Variants in CMTM8 observed in about 807,000 individuals in gnomAD.
CMTM8 encodes CKLF-like MARVEL transmembrane domain-containing protein 8.
CMTM8 carries 12 observed loss-of-function variants against 18.6 expected under a neutral mutation model. That is an observed-to-expected ratio of 0.65 (90% CI 0.41 to 1.05). The LOEUF (loss-of-function observed/expected upper bound fraction) is 1.05, where lower values mean the gene tolerates loss of function less well. Ranked by LOEUF, CMTM8 falls within the 50% of genes least tolerant of loss-of-function variation. The pLI, the probability that CMTM8 is intolerant of heterozygous loss-of-function variation, is 0.00. For synonymous variants in CMTM8, 87 were observed against 90.6 expected (o/e 0.96, Z 0.23); for missense variants, 217 against 227.2 (o/e 0.95, Z 0.29).
At position 32,285,527 on chromosome 3, in the gene CMTM8, T is replaced by A. The variant is rs199520413; in HGVS notation, c.147+46408T>A. Among the ~76,000 whole-genome samples, 22 of 41,132 alleles carry A rather than the reference T, an allele frequency of 5.3e-4. 1 individual carries two copies. Among genetic ancestry groups the A allele is most frequent in the East Asian group, 1.2e-3 (2 of 1,672 alleles). 27.0% of individuals were successfully genotyped at this position (41,132 alleles called of 152,430 possible). On this transcript the variant is annotated intron_variant, in intron 1 of 3. Coordinates refer to ENST00000307526, the MANE Select transcript of CMTM8 (RefSeq NM_178868.5). ...GATTCTATCTCAAAAAAAAAAAAAA[T>A]TAAATTAATAATAATACTAGTAGTA...
chr3:32,332,053 C>G (rs769069744), intron 1 of CMTM8, among the ~76,000 whole-genome samples: 5 of 151,834 alleles, frequency 3.3e-5, no homozygotes, highest in Non-Finnish European at 7.4e-5. Context: ...CACACACACA[C>G]ACAAGTAAGT....
At chr3:32,325,914 A>T (rs1696142011) in intron 1 of CMTM8, among the ~76,000 whole-genome samples, 1 of 152,182 alleles carries the variant, frequency 6.6e-6, no homozygotes, top group African/African-American at 2.4e-5. Context: ...CACCAAGGGG[A>T]GGGATATTCC....
intron 1 of CMTM8, among the ~76,000 whole-genome samples, chr3:32,252,054 C>G (rs1370111374): frequency 3.9e-5 from 6 of 152,066 alleles, no homozygotes; most frequent in Non-Finnish European, 1.5e-5. Context: ...CGTGCTGTCA[C>G]TGCACTCCAG....
At chr3:32,267,278 G>A (rs1702363786) in intron 1 of CMTM8, among the ~76,000 whole-genome samples, 1 of 152,062 alleles carries the variant, frequency 6.6e-6, no homozygotes, top group African/African-American at 2.4e-5. Context: ...ACAGAACAGA[G>A]CCCTCAGAAA....
chr3:32,319,074 A>ATATATATATATATATATTTTT lies in CMTM8; in HGVS notation c.148-38298_148-38297insATATATATATATATATTTTTT. On this transcript the variant is annotated intron_variant, in intron 1 of 3. Transcript: ENST00000307526. ...TGTATATACATATATATATATATAT[A>ATATATATATATATATATTTTT]TTTTTTTTTTTTTTTTTTTTTGAGA... Among the ~76,000 whole-genome samples, 24 of 31,524 alleles carry ATATATATATATATATATTTTT rather than the reference A, an allele frequency of 7.6e-4. 1 individual carries two copies. Among genetic ancestry groups the ATATATATATATATATATTTTT allele is most frequent in the East Asian group, 3.1e-3 (2 of 642 alleles). 20.7% of individuals were successfully genotyped at this position (31,524 alleles called of 152,430 possible).
chr3:32,300,889 G>A (rs1461286545), intron 1 of CMTM8, among the ~76,000 whole-genome samples: 1 of 151,804 alleles, frequency 6.6e-6, no homozygotes, highest in Non-Finnish European at 1.5e-5. Context: ...GAACCTGGGA[G>A]GCGGAGGTTG....
At chr3:32,327,895 G>A (rs566258522) in intron 1 of CMTM8, among the ~76,000 whole-genome samples, 2 of 152,284 alleles carry the variant, frequency 1.3e-5, no homozygotes, top group East Asian at 1.9e-4. Flanking sequence ...TGCTATAAGG[G>A]TATGTGATTT....
chr3:32,312,537 T>C (rs1695840080), intron 1 of CMTM8, among the ~76,000 whole-genome samples: 1 of 152,130 alleles, frequency 6.6e-6, no homozygotes, highest in African/African-American at 2.4e-5. Flanking sequence ...TGTGTCCCCA[T>C]GGAGTTGGGG....
intron 1 of CMTM8, among the ~76,000 whole-genome samples, chr3:32,251,372 G>A (rs1490283404): frequency 6.6e-6 from 1 of 151,994 alleles, no homozygotes; most frequent in African/African-American, 2.4e-5. Flanking sequence ...GGAGTGCAGT[G>A]GTGTGATCAT....
chr3:32,357,613 G>C lies in CMTM8; in HGVS notation c.321+67G>C. ...GGTAGATGGCATTAGTCCTCTACTA[G>C]TCAATCCAAGACTGTCTCTCTGCCC... On this transcript the variant is annotated intron_variant, in intron 2 of 3. Transcript: ENST00000307526. 2.0e-6 allele frequency: 3 copies of C among 1,481,168 alleles called. 1 individual carries two copies. The South Asian group carries it at 3.6e-5, about 18-fold the overall frequency. The allele number at this position is 1,481,168 out of a possible 1,614,324, so 91.8% of individuals were successfully genotyped here. A position where few individuals can be genotyped will look rare whatever the true frequency, so the allele number is the denominator to read the frequency against.
At chr3:32,360,294 A>G (rs1696898217) in intron 2 of CMTM8, among the ~76,000 whole-genome samples, 1 of 152,260 alleles carries the variant, frequency 6.6e-6, no homozygotes, top group Non-Finnish European at 1.5e-5. Context: ...AAGGCAATCT[A>G]GAAATCTGGG....
At chr3:32,334,068 C>T (rs1696333793) in intron 1 of CMTM8, among the ~76,000 whole-genome samples, 1 of 151,768 alleles carries the variant, frequency 6.6e-6, no homozygotes, top group African/African-American at 2.4e-5. Context: ...ACCTCCACCT[C>T]CCAGGTTCTA....
At chr3:32,349,325 A>C (rs1266497856) in intron 1 of CMTM8, among the ~76,000 whole-genome samples, 1 of 151,926 alleles carries the variant, frequency 6.6e-6, no homozygotes, top group Non-Finnish European at 1.5e-5. Context: ...CAAAGTCAGT[A>C]TCTTTGTCTT....
intron 1 of CMTM8, among the ~76,000 whole-genome samples, chr3:32,294,953 G>A (rs80031258): frequency 0.047 from 7,106 of 152,130 alleles, 266 homozygotes; most frequent in Admixed American, 0.13. Context: ...TACTTGGGAG[G>A]TTGAGGCAGG....
intron 1 of CMTM8, among the ~76,000 whole-genome samples, chr3:32,288,518 T>TTC (rs10695900): frequency 1.3e-5 from 2 of 151,430 alleles, no homozygotes; most frequent in Non-Finnish European, 2.9e-5. Flanking sequence ...ATTTTTTTTT[T>TTC]GAAATGGAGT....
intron 1 of CMTM8, among the ~76,000 whole-genome samples, chr3:32,318,582 T>TC (rs1695975475): frequency 6.7e-6 from 1 of 150,366 alleles, no homozygotes. Context: ...TTTTTTTTTT[T>TC]TTGAGACAGA....
At chr3:32,271,017 G>C (rs1702431658) in intron 1 of CMTM8, among the ~76,000 whole-genome samples, 1 of 152,036 alleles carries the variant, frequency 6.6e-6, no homozygotes, top group Admixed American at 6.6e-5. Flanking sequence ...TTATTTTTAT[G>C]TAAATAAAAT....
At chr3:32,335,825 A>C (rs1696375278) in intron 1 of CMTM8, among the ~76,000 whole-genome samples, 1 of 152,232 alleles carries the variant, frequency 6.6e-6, no homozygotes, top group Non-Finnish European at 1.5e-5. Flanking sequence ...GGGCCCTTTC[A>C]GTTTCATAAA....
At chr3:32,284,542 C>T (rs965013564) in intron 1 of CMTM8, among the ~76,000 whole-genome samples, 7 of 152,060 alleles carry the variant, frequency 4.6e-5, no homozygotes, top group Admixed American at 2.0e-4. Context: ...TTGAAAAATC[C>T]GAGTAGCCAA....
Sources: allele counts gnomAD v4.1 joint callset (sites outside exome capture counted in the v4.1 genomes callset), GRCh38; gene constraint gnomAD v4.1.1; transcripts MANE v1.5; gene names NCBI Gene and HGNC (gene_info 2026-07-23, HGNC 2026-07-21).